Variants in LPAR3 observed in about 807,000 individuals in gnomAD.
LPAR3 encodes the protein lysophosphatidic acid receptor 3, also known as LPA receptor 3.
In LPAR3, 7 loss-of-function variants were observed where a neutral mutation model predicts 17.8. The ratio of observed to expected loss-of-function variants is 0.39; its 90% CI spans 0.22 to 0.74. The LOEUF is 0.74. LPAR3 is among the 30% of genes least tolerant of loss of function. The pLI, the probability that LPAR3 is intolerant of heterozygous loss-of-function variation, is 0.40. For synonymous variants in LPAR3, 179 were observed against 179.9 expected (o/e 0.99, Z 0.04); for missense variants, 391 against 453.4 (o/e 0.86, Z 1.25).
chr1:84,840,725 C>G (rs934702334), intron 2 of LPAR3, among the ~76,000 whole-genome samples: 1 of 152,144 alleles, frequency 6.6e-6, no homozygotes. Context: ...CAGACTTTGA[C>G]AGGGGATTAA....
At chr1:84,891,720 G>A (rs1303161063) in intron 1 of LPAR3, among the ~76,000 whole-genome samples, 1 of 152,208 alleles carries the variant, frequency 6.6e-6, no homozygotes, top group Non-Finnish European at 1.5e-5. Flanking sequence ...TTTGTAAAGA[G>A]GAGATTGATT....
At chr1:84,860,212 T>C (rs1659912565) in intron 2 of LPAR3, among the ~76,000 whole-genome samples, 1 of 152,168 alleles carries the variant, frequency 6.6e-6, no homozygotes, top group Non-Finnish European at 1.5e-5. Flanking sequence ...CCATCATCAC[T>C]ACCACCACTA....
In LPAR3 at chr1:84,890,967, CGT is replaced by C. The variant is rs577401713; in HGVS notation, c.-19+2047_-19+2048del. Among the ~76,000 whole-genome samples, 322 of 152,204 alleles carry C rather than the reference CGT, an allele frequency of 2.1e-3. 1 individual carries two copies. The highest frequency in any genetic ancestry group is 7.6e-3 in the African/African-American group (315 of 41,526). On this transcript the variant is annotated intron_variant, in intron 1 of 2. Transcript: ENST00000370611. ...GTGTGTGCATTTCTTCCACTGTGCA[CGT>C]GTGTTTCTGAAAAATGAGATGGAGA...
intron 2 of LPAR3, among the ~76,000 whole-genome samples, chr1:84,824,028 T>C (rs948768888): frequency 1.3e-5 from 2 of 152,184 alleles, no homozygotes; most frequent in Admixed American, 6.5e-5. Context: ...TAATATTTAA[T>C]CACATAAACT....
chr1:84,814,667 C>T (rs933231317), intron 2 of LPAR3, among the ~76,000 whole-genome samples: 31 of 152,218 alleles, frequency 2.0e-4, no homozygotes, highest in African/African-American at 7.2e-4. Context: ...GAAAATAAGA[C>T]ACAATGAGTC....
chr1:84,841,834 T>G (rs1244573158), intron 2 of LPAR3, among the ~76,000 whole-genome samples: 2 of 152,170 alleles, frequency 1.3e-5, no homozygotes, highest in Non-Finnish European at 2.9e-5. Flanking sequence ...ACCCCAGCTC[T>G]GGCCAGACTT....
intron 1 of LPAR3, among the ~76,000 whole-genome samples, chr1:84,880,125 T>A (rs529250816): frequency 2.6e-5 from 4 of 151,856 alleles, no homozygotes; most frequent in Non-Finnish European, 5.9e-5. Flanking sequence ...AGGTCGGGAG[T>A]TCGAGACCAG....
chr1:84,848,668 G>A (rs1557598074), intron 2 of LPAR3, among the ~76,000 whole-genome samples: 1 of 152,170 alleles, frequency 6.6e-6, no homozygotes. Context: ...CCATGCAACT[G>A]AGAAGACACA....
At chr1:84,854,264 A>G (rs531910744) in intron 2 of LPAR3, among the ~76,000 whole-genome samples, 1 of 152,232 alleles carries the variant, frequency 6.6e-6, no homozygotes, top group South Asian at 2.1e-4. Context: ...TCCTATCTGC[A>G]ATGCCTTCCC....
chr1:84,878,621 A>C (rs1660299942), intron 1 of LPAR3, among the ~76,000 whole-genome samples: 1 of 152,206 alleles, frequency 6.6e-6, no homozygotes, highest in African/African-American at 2.4e-5. Context: ...ATGCACTCTC[A>C]AATGAATTTT....
At chr1:84,832,772 A>G (rs1249257950) in intron 2 of LPAR3, among the ~76,000 whole-genome samples, 1 of 152,194 alleles carries the variant, frequency 6.6e-6, no homozygotes, top group Non-Finnish European at 1.5e-5. Flanking sequence ...TTCTCCTCTA[A>G]TTTTGAACGT....
intron 2 of LPAR3, among the ~76,000 whole-genome samples, chr1:84,855,145 C>T (rs1233968661): frequency 6.6e-6 from 1 of 152,106 alleles, no homozygotes; most frequent in Non-Finnish European, 1.5e-5. Flanking sequence ...GGGCATAATT[C>T]CAGCAAACAC....
intron 2 of LPAR3, among the ~76,000 whole-genome samples, chr1:84,835,443 G>A (rs747536402): frequency 1.8e-4 from 28 of 152,084 alleles, no homozygotes; most frequent in Middle Eastern, 3.4e-3. Context: ...GTTGTGATTC[G>A]CAAATGTGTG....
chr1:84,847,329 G>A (rs1430496276), intron 2 of LPAR3, among the ~76,000 whole-genome samples: 1 of 152,232 alleles, frequency 6.6e-6, no homozygotes, highest in Non-Finnish European at 1.5e-5. Context: ...TGTCAGGGCT[G>A]TACTAGTGGA....
At chr1:84,837,337 A>G (rs1423344569) in intron 2 of LPAR3, among the ~76,000 whole-genome samples, 1 of 152,194 alleles carries the variant, frequency 6.6e-6, no homozygotes, top group East Asian at 1.9e-4. Flanking sequence ...ATTTTTAAAA[A>G]CCACACTTGA....
intron 2 of LPAR3, among the ~76,000 whole-genome samples, chr1:84,848,373 C>T (rs755654306): frequency 3.3e-5 from 5 of 152,222 alleles, no homozygotes; most frequent in Admixed American, 1.3e-4. Flanking sequence ...ATCCAGTGGT[C>T]GGTTCTTAGC....
intron 2 of LPAR3, among the ~76,000 whole-genome samples, chr1:84,857,413 A>G (rs1309159812): frequency 6.6e-6 from 1 of 152,214 alleles, no homozygotes; most frequent in African/African-American, 2.4e-5. Context: ...AGGTGAGATG[A>G]ATTGCTCAAG....
At chr1:84,868,742 T>G (rs972161563) in intron 1 of LPAR3, among the ~76,000 whole-genome samples, 8 of 152,204 alleles carry the variant, frequency 5.3e-5, no homozygotes, top group African/African-American at 1.7e-4. Flanking sequence ...ACACAGCATT[T>G]GCCCCCTTCT....
At chr1:84,857,756 T>C (rs1570887914) in intron 2 of LPAR3, among the ~76,000 whole-genome samples, 2 of 152,218 alleles carry the variant, frequency 1.3e-5, no homozygotes, top group Admixed American at 6.5e-5. Context: ...AAGTAGAGTA[T>C]GGAGCCAGTC....
Sources: gnomAD v4.1 joint callset for allele counts (sites outside exome capture counted in the v4.1 genomes callset) on GRCh38, gnomAD v4.1.1 for gene constraint, MANE v1.5 for transcripts, NCBI Gene and HGNC (gene_info 2026-07-23, HGNC 2026-07-21) for gene names.